AUTS2: variants seen among roughly 807,000 people sequenced by gnomAD.
AUTS2 encodes activator of transcription and developmental regulator AUTS2.
Under a neutral mutation model 112.4 loss-of-function variants are expected in AUTS2, and 17 were observed. The ratio of observed to expected loss-of-function variants is 0.15; its 90% CI spans 0.10 to 0.23. The LOEUF is 0.23. Among genes scored for constraint, AUTS2 ranks in the 10% least tolerant of loss-of-function variants. The pLI is 1.00. For synonymous variants in AUTS2, 751 were observed against 702.7 expected, an observed-to-expected ratio of 1.07 and a Z score of -1.09; for missense variants, 1,510 against 1,701.6, an observed-to-expected ratio of 0.89 and a Z score of 1.98.
intron 6 of AUTS2, among the ~76,000 whole-genome samples, chr7:70,747,516 T>C (rs1788530283): frequency 6.6e-6 from 1 of 152,196 alleles, no homozygotes. Flanking sequence ...TAGAATGCAA[T>C]GGCGCAATCT....
rs1337616361 is a variant in AUTS2, at chr7:70,125,865, G to A, written c.624+7632G>A. ...TTTGTCCAGTTTTTTAGTTGCTTGAGGTGGGAGAATACATTCAGTCCCTAT... is the reference window on the plus strand; with the variant it reads ...TTTGTCCAGTTTTTTAGTTGCTTGAAGTGGGAGAATACATTCAGTCCCTAT... On this transcript the variant is annotated intron_variant, in intron 3 of 18. Coordinates refer to ENST00000342771, the MANE Select transcript of AUTS2 (RefSeq NM_015570.4). 2.0e-5 allele frequency among the ~76,000 whole-genome samples: 3 copies of A among 152,144 alleles called. No individual in the cohort carries two copies. The East Asian group carries it at 5.8e-4, about 29-fold the overall frequency.
intron 1 of AUTS2, among the ~76,000 whole-genome samples, chr7:69,827,452 A>C (rs1364266564): frequency 6.6e-6 from 1 of 152,096 alleles, no homozygotes; most frequent in African/African-American, 2.4e-5. Flanking sequence ...AAGAGGGGAA[A>C]AAAAAACCCC....
Position 70,086,339 on chromosome 7 carries a change from C to T in AUTS2, c.523-31793C>T, listed in dbSNP as rs758934961. 1.3e-5 allele frequency among the ~76,000 whole-genome samples: 2 copies of T among 152,060 alleles called. 1 individual carries two copies. On this transcript the variant is annotated intron_variant, in intron 2 of 18. Transcript: ENST00000342771. Reference sequence around the variant, plus strand: ...TATTTCTTTAGATTTTCTTTAACTTCTCTCAGAAAAGTTCTGCAGTGGCCG... The same window carrying T: ...TATTTCTTTAGATTTTCTTTAACTTTTCTCAGAAAAGTTCTGCAGTGGCCG...
intron 1 of AUTS2, among the ~76,000 whole-genome samples, chr7:69,804,718 T>A (rs1466519581): frequency 6.6e-6 from 1 of 152,240 alleles, no homozygotes; most frequent in African/African-American, 2.4e-5. Flanking sequence ...CTGAGTTTTG[T>A]TATCACATTT....
Position 70,215,551 on chromosome 7 carries a change from A to C in AUTS2, c.660+80980A>C, listed in dbSNP as rs376270452. Among the ~76,000 whole-genome samples, 15 of 152,264 alleles carry C rather than the reference A, an allele frequency of 9.9e-5. 1 individual carries two copies. The highest frequency in any genetic ancestry group is 7.2e-4 in the Admixed American group (11 of 15,290). On this transcript the variant is annotated intron_variant, in intron 4 of 18. Transcript: ENST00000342771. ...CGGAGAATGTTTTGGAATGTTTGGC[A>C]GGGTGGTTGGAGAGACATACTACAG...
At chr7:69,703,217 G>C (rs1323673672) in intron 1 of AUTS2, among the ~76,000 whole-genome samples, 1 of 152,088 alleles carries the variant, frequency 6.6e-6, no homozygotes, top group Non-Finnish European at 1.5e-5. Context: ...CAGGACTCCT[G>C]AGTAATTTTA....
chr7:69,941,519 G>A (rs1471344905), intron 2 of AUTS2, among the ~76,000 whole-genome samples: 1 of 151,604 alleles, frequency 6.6e-6, no homozygotes, highest in Non-Finnish European at 1.5e-5. Flanking sequence ...AAGATGGGAA[G>A]TTTTTATATT....
chr7:69,670,542 T>C (rs1452829163), intron 1 of AUTS2, among the ~76,000 whole-genome samples: 1 of 129,870 alleles, frequency 7.7e-6, no homozygotes, highest in Non-Finnish European at 1.6e-5. Flanking sequence ...TGGTTGTTTT[T>C]TACTTGATCC....
In AUTS2 at chr7:69,768,662, A is replaced by C. The variant is rs558098758; in HGVS notation, c.310-130624A>C. Among the ~76,000 whole-genome samples the C allele has an allele frequency of 1.0e-3, 155 of 152,282 alleles. 1 individual carries two copies. In the Middle Eastern group the frequency reaches 0.017, roughly 17 times the overall value. Reference sequence around the variant, plus strand: ...GTTAGTGATGAAAATGGAGGAAGTGAAGAATCCAAGTCGAATGATAGAAAA... The same window carrying C: ...GTTAGTGATGAAAATGGAGGAAGTGCAGAATCCAAGTCGAATGATAGAAAA... On this transcript the variant is annotated intron_variant, in intron 1 of 18. Transcript: ENST00000342771.
intron 2 of AUTS2, among the ~76,000 whole-genome samples, chr7:70,099,405 C>G (rs1047083942): frequency 6.6e-6 from 1 of 152,012 alleles, no homozygotes; most frequent in Admixed American, 6.6e-5. Context: ...CTGTTCTCTA[C>G]GTGTTGAATT....
At chr7:69,677,824 A>C (rs538322081) in intron 1 of AUTS2, among the ~76,000 whole-genome samples, 3 of 152,310 alleles carry the variant, frequency 2.0e-5, no homozygotes, top group South Asian at 4.1e-4. Context: ...AAGCAAACTT[A>C]GACAGAAGCA....
At chr7:70,661,955 G>A (rs763193944) in intron 5 of AUTS2, among the ~76,000 whole-genome samples, 101 of 152,114 alleles carry the variant, frequency 6.6e-4, no homozygotes, top group Non-Finnish European at 1.3e-3. Flanking sequence ...GCCCAGTAAC[G>A]CCTTCCTTTC....
chr7:70,510,484 ACCCAAGGGGGATC>A (rs1799137227), intron 5 of AUTS2, among the ~76,000 whole-genome samples: 1 of 152,156 alleles, frequency 6.6e-6, no homozygotes, highest in Admixed American at 6.5e-5. Flanking sequence ...TGGCCCAGGT[ACCCAAGGGGGATC>A]CCCAAGACCC....
At chr7:70,716,636 C>CAAAAAAAAAAAAAAAAAAAA in intron 6 of AUTS2, among the ~76,000 whole-genome samples, 1 of 64,950 alleles carries the variant, frequency 1.5e-5, no homozygotes, top group Non-Finnish European at 2.8e-5. Flanking sequence ...GACTCCGTCT[C>CAAAAAAAAAAAAAAAAAAAA]AAAAAAAAAA....
chr7:70,652,249 A>T (rs1257199681), intron 5 of AUTS2, among the ~76,000 whole-genome samples: 1 of 152,218 alleles, frequency 6.6e-6, no homozygotes, highest in African/African-American at 2.4e-5. Flanking sequence ...TCTGCAGTAT[A>T]AAGTGTTTAC....
At chr7:70,764,066 T>A (rs1187206208) in intron 7 of AUTS2, among the ~76,000 whole-genome samples, 5 of 152,188 alleles carry the variant, frequency 3.3e-5, no homozygotes, top group African/African-American at 1.2e-4. Context: ...GGGGCTATAA[T>A]TCTAACCCGG....
At chr7:70,454,496 C>T (rs56335297) in intron 5 of AUTS2, among the ~76,000 whole-genome samples, 19,290 of 152,144 alleles carry the variant, frequency 0.13, 1,255 homozygotes, top group Middle Eastern at 0.17. Context: ...GAGATCACGC[C>T]ATTGCACTCC....
At chr7:70,395,933 A>T (rs1043317999) in intron 4 of AUTS2, among the ~76,000 whole-genome samples, 1 of 152,202 alleles carries the variant, frequency 6.6e-6, no homozygotes, top group African/African-American at 2.4e-5. Flanking sequence ...TTTGTTTTAC[A>T]CATACAGAAA....
At chr7:70,765,547 A>G (rs543805840) in intron 8 of AUTS2, among the ~76,000 whole-genome samples, 1 of 152,300 alleles carries the variant, frequency 6.6e-6, no homozygotes, top group South Asian at 2.1e-4. Flanking sequence ...TAATCAGGTC[A>G]AGCGTCCCAG....
Sources: gnomAD v4.1 joint callset for allele counts (sites outside exome capture counted in the v4.1 genomes callset) on GRCh38, gnomAD v4.1.1 for gene constraint, MANE v1.5 for transcripts, NCBI Gene and HGNC (gene_info 2026-07-23, HGNC 2026-07-21) for gene names.